Variants in HMG20A observed in about 807,000 individuals in gnomAD.
HMG20A encodes high mobility group protein 20A.
A neutral mutation model predicts 43.9 loss-of-function variants in HMG20A; 17 were observed. The observed-to-expected ratio is 0.39, with a 90% CI of 0.27 to 0.58. The LOEUF (loss-of-function observed/expected upper bound fraction) is 0.58. Among genes scored for constraint, HMG20A ranks in the 20% least tolerant of loss-of-function variants. HMG20A has a pLI of 0.59. For synonymous variants in HMG20A, 132 were observed against 147.5 expected (o/e 0.89, Z 0.76); for missense variants, 341 against 438.2 (o/e 0.78, Z 1.98).
intron 1 of HMG20A, among the ~76,000 whole-genome samples, chr15:77,433,940 G>A (rs1057306134): frequency 3.3e-5 from 5 of 152,178 alleles, no homozygotes; most frequent in Non-Finnish European, 7.3e-5. Flanking sequence ...AAGTAGTCAA[G>A]ACAAACTTGA....
intron 1 of HMG20A, chr15:77,421,226 G>A (rs2142250168): frequency 3.3e-6 from 1 of 306,244 alleles, no homozygotes; most frequent in Non-Finnish European, 6.0e-6. Context: ...GGGGGTGTCC[G>A]ACCCACTTCC....
At chr15:77,505,000 T>C in the HMG20A span, among the ~76,000 whole-genome samples, 2 of 152,196 alleles carry the variant, frequency 1.3e-5, no homozygotes, top group Non-Finnish European at 2.9e-5. Context: ...CTCACTGAGG[T>C]TCGGGGTCAT....
intron 1 of HMG20A, among the ~76,000 whole-genome samples, chr15:77,430,721 A>C (rs1029905208): frequency 6.6e-6 from 1 of 152,212 alleles, no homozygotes; most frequent in Non-Finnish European, 1.5e-5. Context: ...AAACTTTTTT[A>C]AAACTTGTTT....
At chr15:77,442,189 T>C (rs2073620002) in intron 1 of HMG20A, among the ~76,000 whole-genome samples, 1 of 152,238 alleles carries the variant, frequency 6.6e-6, no homozygotes, top group Non-Finnish European at 1.5e-5. Context: ...TTTCCTGGTC[T>C]GTTTTCCCAT....
Position 77,479,167 on chromosome 15 carries a change from A to C in HMG20A, c.908-12A>C. The C allele has an allele frequency of 6.2e-7, 1 of 1,612,530 alleles. No individual in the cohort carries two copies. Among genetic ancestry groups the C allele is most frequent in the Admixed American group, 1.7e-5 (1 of 59,948 alleles). On this transcript the variant is annotated splice_polypyrimidine_tract_variant and intron_variant, in intron 8 of 9. Transcript: ENST00000336216. ...GGGAGGATTTTCTTACTTTCTTCTT[A>C]TCTCACTTCAGGAAGTGGAGAGACA...
At chr15:77,516,546 C>T in the HMG20A span, among the ~76,000 whole-genome samples, 2 of 152,142 alleles carry the variant, frequency 1.3e-5, no homozygotes, top group Non-Finnish European at 2.9e-5. Flanking sequence ...TGTACCACCC[C>T]ACCATGTGTG....
chr15:77,466,867 G>A (rs2072761006), intron 3 of HMG20A, among the ~76,000 whole-genome samples: 1 of 152,190 alleles, frequency 6.6e-6, no homozygotes, highest in Admixed American at 6.5e-5. Context: ...ATTTTGTAGT[G>A]TGATACATAA....
At chr15:77,499,678 T>C in the HMG20A span, among the ~76,000 whole-genome samples, 1 of 152,306 alleles carries the variant, frequency 6.6e-6, no homozygotes, top group African/African-American at 2.4e-5. Context: ...TCTTTTTTGC[T>C]ATTAACTAGT....
the HMG20A span, among the ~76,000 whole-genome samples, chr15:77,503,556 T>C: frequency 6.6e-6 from 1 of 152,156 alleles, no homozygotes; most frequent in Non-Finnish European, 1.5e-5. Context: ...TTATTCCTTA[T>C]GTAAGCAGTG....
rs1196149300 is a variant in HMG20A at position 77,484,167 on chromosome 15, C to T, written c.*1204C>T. On this transcript the variant is annotated 3_prime_UTR_variant, in exon 10 of 10. Coordinates refer to ENST00000336216, the MANE Select transcript of HMG20A (RefSeq NM_001304504.2). ...ACAGATGAGGTCTTCCTGTGTTGCC[C>T]AGGCTGGAGTGCGGTGGCTATTCAC... 6.6e-6 allele frequency: 1 copy of T among 152,110 alleles called. No homozygotes were observed. Among genetic ancestry groups the T allele is most frequent in the African/African-American group, 2.4e-5 (1 of 41,394 alleles). 9.4% of individuals were successfully genotyped at this position (152,110 alleles called of 1,614,324 possible). A position where few individuals can be genotyped will look rare whatever the true frequency, so the allele number is the denominator to read the frequency against.
chr15:77,443,364 G>GATT (rs1403958636), intron 1 of HMG20A, among the ~76,000 whole-genome samples: 2 of 125,060 alleles, frequency 1.6e-5, no homozygotes, highest in South Asian at 2.6e-4. Flanking sequence ...TGATGATGAT[G>GATT]ATGATGATGA....
At position 77,435,227 on chromosome 15, in the gene HMG20A, G is replaced by T. The variant is rs74492958; in HGVS notation, c.-5+14223G>T. On this transcript the variant is annotated intron_variant, in intron 1 of 9. Coordinates refer to ENST00000336216, the MANE Select transcript of HMG20A (RefSeq NM_001304504.2). The stretch of plus-strand genomic sequence containing the variant: ...TCTGTTTATTCTGATAAGGCTACAG[G>T]TGATACAGTCTATGAAAAGTTGTCA... Among the ~76,000 whole-genome samples the T allele has an allele frequency of 8.5e-3, 1,287 of 152,214 alleles. 20 individuals carry two copies. Among genetic ancestry groups the T allele is most frequent in the African/African-American group, 0.029 (1,210 of 41,532 alleles).
At chr15:77,437,812 G>T (rs1003966870) in intron 1 of HMG20A, among the ~76,000 whole-genome samples, 3 of 152,152 alleles carry the variant, frequency 2.0e-5, no homozygotes. Flanking sequence ...GACCTCAGAT[G>T]ATCTCCCTGC....
chr15:77,511,056 C>T, the HMG20A span, among the ~76,000 whole-genome samples: 13 of 152,116 alleles, frequency 8.5e-5, no homozygotes, highest in African/African-American at 1.9e-4. Context: ...GGCAGTAGCC[C>T]GTGGATTCAG....
At chr15:77,463,028 T>TC (rs919308802) in intron 2 of HMG20A, among the ~76,000 whole-genome samples, 1 of 152,174 alleles carries the variant, frequency 6.6e-6, no homozygotes, top group Non-Finnish European at 1.5e-5. Context: ...TGCCTTGGCC[T>TC]CCCAAAGTGC....
chr15:77,517,354 C>T, the HMG20A span, among the ~76,000 whole-genome samples: 1 of 152,084 alleles, frequency 6.6e-6, no homozygotes, highest in Non-Finnish European at 1.5e-5. Context: ...AGTCCCATAG[C>T]AGGTATTTAC....
At chr15:77,463,042 G>C (rs2072720090) in intron 2 of HMG20A, among the ~76,000 whole-genome samples, 1 of 152,060 alleles carries the variant, frequency 6.6e-6, no homozygotes, top group African/African-American at 2.4e-5. Context: ...AAAGTGCTGG[G>C]ATTACAGGCG....
At position 77,478,475 on chromosome 15, in the gene HMG20A, T is replaced by C. The variant is rs772238153; in HGVS notation, c.872T>C (p.Val291Ala). The C allele has an allele frequency of 1.9e-6, 3 of 1,610,744 alleles. No individual in the cohort carries two copies. Among genetic ancestry groups the C allele is most frequent in the Middle Eastern group, 2.2e-4 (1 of 4,538 alleles). Reference protein sequence around the residue: ...LQQHLETLRQVLTSSFASMPL... With the variant: ...LQQHLETLRQALTSSFASMPL... ...CAGCACCTGGAGACCCTGCGGCAGG[T>C]GCTGACCAGCAGCTTTGCCAGCATG... Residue 291 changes from valine to alanine, a missense_variant, in exon 8 of 10, where the codon GTG (valine) becomes GCG (alanine). Coordinates refer to ENST00000336216, the MANE Select transcript of HMG20A (RefSeq NM_001304504.2).
intron 1 of HMG20A, among the ~76,000 whole-genome samples, chr15:77,431,431 CG>C (rs1567389548): frequency 5.9e-5 from 9 of 152,044 alleles, no homozygotes; most frequent in African/African-American, 1.9e-4. Flanking sequence ...AGGCTGGTCT[CG>C]AAGTCCTGAC....
Sources: gnomAD v4.1 joint callset for allele counts (sites outside exome capture counted in the v4.1 genomes callset) on GRCh38, gnomAD v4.1.1 for gene constraint, MANE v1.5 for transcripts, NCBI Gene and HGNC (gene_info 2026-07-23, HGNC 2026-07-21) for gene names.